RCAN2: variants seen among roughly 807,000 people sequenced by gnomAD.
RCAN2 encodes the protein regulator of calcineurin 2.
In RCAN2, 9 loss-of-function variants were observed where a neutral mutation model predicts 23.6. That is an observed-to-expected ratio of 0.38 (90% CI 0.23 to 0.67). The LOEUF is 0.67. Ranked by LOEUF, RCAN2 falls within the 30% of genes least tolerant of loss-of-function variation. The pLI, the probability that RCAN2 is intolerant of heterozygous loss-of-function variation, is 0.51. For missense variants in RCAN2, 273 were observed against 302.3 expected (o/e 0.90, Z 0.72); for synonymous variants, 109 against 115.7 (o/e 0.94, Z 0.37).
At chr6:46,233,262 C>T (rs540891318) in intron 4 of RCAN2, among the ~76,000 whole-genome samples, 1 of 152,302 alleles carries the variant, frequency 6.6e-6, no homozygotes, top group South Asian at 2.1e-4. Context: ...GTCTTTCCTT[C>T]AGGAACTTCT....
intron 2 of RCAN2, among the ~76,000 whole-genome samples, chr6:46,366,023 T>C (rs1395469968): frequency 7.2e-5 from 11 of 152,180 alleles, no homozygotes; most frequent in Admixed American, 7.2e-4. Context: ...GAGGCTTAAG[T>C]AAGTTGCTCA....
intron 4 of RCAN2, 31 bp downstream of exon 4, chr6:46,246,717 G>A (rs781513386): frequency 1.3e-5 from 21 of 1,602,150 alleles, no homozygotes; most frequent in East Asian, 2.3e-5. Flanking sequence ...GCTGACAAAC[G>A]TTTATTTTTA....
chr6:46,442,022 C>T (rs770185330), intron 2 of RCAN2, among the ~76,000 whole-genome samples: 1 of 152,168 alleles, frequency 6.6e-6, no homozygotes, highest in Non-Finnish European at 1.5e-5. Context: ...TTTTAAAGTT[C>T]ACATCAAAAC....
At chr6:46,299,275 T>A (rs1762829632) in intron 2 of RCAN2, among the ~76,000 whole-genome samples, 1 of 152,038 alleles carries the variant, frequency 6.6e-6, no homozygotes, top group East Asian at 1.9e-4. Context: ...AACCTAGACA[T>A]GATTTCCCAG....
At chr6:46,367,389 T>C (rs2150387239) in intron 2 of RCAN2, among the ~76,000 whole-genome samples, 1 of 152,254 alleles carries the variant, frequency 6.6e-6, no homozygotes, top group East Asian at 1.9e-4. Flanking sequence ...CCAACAAATA[T>C]CCTAAATATC....
At chr6:46,316,967 G>T (rs1291610848) in intron 2 of RCAN2, among the ~76,000 whole-genome samples, 7 of 152,114 alleles carry the variant, frequency 4.6e-5, no homozygotes, top group Non-Finnish European at 7.4e-5. Flanking sequence ...TACCTTGGAG[G>T]TTTCCTGTGA....
At chr6:46,261,824 C>G (rs181401815) in intron 2 of RCAN2, among the ~76,000 whole-genome samples, 61 of 152,222 alleles carry the variant, frequency 4.0e-4, no homozygotes, top group Admixed American at 1.1e-3. Context: ...TTAATCATGT[C>G]CTTTACAAAA....
At chr6:46,245,494 T>C (rs1766481985) in intron 4 of RCAN2, among the ~76,000 whole-genome samples, 3 of 152,130 alleles carry the variant, frequency 2.0e-5, no homozygotes, top group Admixed American at 6.6e-5. Flanking sequence ...ACCAGGACAG[T>C]TGGTCACCAT....
chr6:46,306,075 C>G (rs553497502), intron 2 of RCAN2, among the ~76,000 whole-genome samples: 16 of 152,222 alleles, frequency 1.1e-4, no homozygotes, highest in Non-Finnish European at 2.2e-4. Context: ...ACCCAGTGTG[C>G]TACACAGCAG....
intron 1 of RCAN2, among the ~76,000 whole-genome samples, chr6:46,473,915 TTAAAA>T (rs1285790103): frequency 2.0e-5 from 3 of 152,218 alleles, no homozygotes; most frequent in Non-Finnish European, 4.4e-5. Flanking sequence ...ATATTTCTCT[TTAAAA>T]TAACATATTG....
At chr6:46,296,834 T>TA (rs1470722049) in intron 2 of RCAN2, among the ~76,000 whole-genome samples, 4 of 152,010 alleles carry the variant, frequency 2.6e-5, no homozygotes, top group Non-Finnish European at 4.4e-5. Context: ...TGCAATACGT[T>TA]AAAAAAATCT....
At chr6:46,342,203 A>T (rs4714929) in intron 2 of RCAN2, among the ~76,000 whole-genome samples, 64,057 of 151,948 alleles carry the variant, frequency 0.42, 14,953 homozygotes, top group East Asian at 0.6. Flanking sequence ...GGTTACTTTC[A>T]AAGTCAACCA....
At chr6:46,483,039 T>C (rs1768903270) in intron 1 of RCAN2, among the ~76,000 whole-genome samples, 1 of 152,146 alleles carries the variant, frequency 6.6e-6, no homozygotes, top group South Asian at 2.1e-4. Flanking sequence ...GGGAGCTGTC[T>C]GGTAGGAAGG....
At chr6:46,369,559 A>G (rs1310429638) in intron 2 of RCAN2, among the ~76,000 whole-genome samples, 13 of 152,044 alleles carry the variant, frequency 8.6e-5, no homozygotes. Flanking sequence ...TTCCATTATA[A>G]TCTTATGGGA....
chr6:46,490,313 C>T (rs537004453), intron 1 of RCAN2, among the ~76,000 whole-genome samples: 1 of 152,288 alleles, frequency 6.6e-6, no homozygotes, highest in South Asian at 2.1e-4. Context: ...TTTTACTAAA[C>T]TGAGACTTAA....
chr6:46,449,859 A>G (rs1015324609), intron 2 of RCAN2, among the ~76,000 whole-genome samples: 2 of 152,004 alleles, frequency 1.3e-5, no homozygotes, highest in Non-Finnish European at 2.9e-5. Context: ...ACTTAAAACT[A>G]AAACTACTAG....
intron 2 of RCAN2, among the ~76,000 whole-genome samples, chr6:46,400,333 C>T (rs1766213164): frequency 6.6e-6 from 1 of 152,164 alleles, no homozygotes; most frequent in Non-Finnish European, 1.5e-5. Flanking sequence ...TACCATTTAT[C>T]TTGGACCAGA....
intron 2 of RCAN2, among the ~76,000 whole-genome samples, chr6:46,263,264 T>C (rs1281014712): frequency 6.6e-6 from 1 of 152,194 alleles, no homozygotes; most frequent in Non-Finnish European, 1.5e-5. Context: ...ACACTAAACA[T>C]ATGTATTAAG....
intron 2 of RCAN2, among the ~76,000 whole-genome samples, chr6:46,386,726 T>G (rs971469050): frequency 6.6e-5 from 10 of 152,138 alleles, no homozygotes; most frequent in Non-Finnish European, 1.2e-4. Flanking sequence ...ACCAATGACT[T>G]TCTTCACAGA....
Sources: allele counts gnomAD v4.1 joint callset (sites outside exome capture counted in the v4.1 genomes callset), GRCh38; gene constraint gnomAD v4.1.1; transcripts MANE v1.5; gene names NCBI Gene and HGNC (gene_info 2026-07-23, HGNC 2026-07-21).